Variants in CDH12 observed in about 807,000 individuals in gnomAD.
CDH12 encodes cadherin 12, also known as cadherin-12.
CDH12 carries 41 observed loss-of-function variants against 74.1 expected under a neutral mutation model. That is an observed-to-expected ratio of 0.55 (90% confidence interval 0.43 to 0.72). The LOEUF is 0.72. Among genes scored for constraint, CDH12 ranks in the 30% least tolerant of loss-of-function variants. The probability of loss-of-function intolerance (pLI) is 0.00; values close to 1 mark genes in which losing one functional copy is unlikely to be tolerated. For missense variants in CDH12, 945 were observed against 977.2 expected, an observed-to-expected ratio of 0.97 and a Z score of 0.44; for synonymous variants, 399 against 355.0, an observed-to-expected ratio of 1.12 and a Z score of -1.39.
intron 1 of CDH12, among the ~76,000 whole-genome samples, chr5:22,574,595 C>T (rs926909311): frequency 2.0e-5 from 3 of 152,044 alleles, no homozygotes; most frequent in Admixed American, 2.0e-4. Flanking sequence ...TAAACTGTAT[C>T]TTTCTCAAAT....
intron 6 of CDH12, among the ~76,000 whole-genome samples, chr5:21,929,565 T>G (rs1754743388): frequency 6.6e-6 from 1 of 152,188 alleles, no homozygotes; most frequent in African/African-American, 2.4e-5. Flanking sequence ...TCACCCTGGT[T>G]GGAATCAGTG....
At chr5:22,344,132 C>CCT (rs1373623315) in intron 3 of CDH12, among the ~76,000 whole-genome samples, 2 of 152,126 alleles carry the variant, frequency 1.3e-5, no homozygotes, top group Non-Finnish European at 2.9e-5. Flanking sequence ...TAGAGGAAGC[C>CCT]ATCCAATATT....
intron 5 of CDH12, among the ~76,000 whole-genome samples, chr5:22,053,073 T>C: frequency 7.5e-6 from 1 of 132,648 alleles, no homozygotes; most frequent in South Asian, 2.2e-4. Flanking sequence ...GTTTTTTTTG[T>C]TTTTTTTTTT....
intron 1 of CDH12, among the ~76,000 whole-genome samples, chr5:22,520,757 A>G (rs1019165158): frequency 6.6e-6 from 1 of 152,162 alleles, no homozygotes; most frequent in Non-Finnish European, 1.5e-5. Flanking sequence ...TAGAAATTCA[A>G]TATAGTTATT....
At position 21,751,834 on chromosome 5, in the gene CDH12, T is replaced by C. The variant is rs1169834123; in HGVS notation, c.2288A>G (p.Gln763Arg). 3 of 1,614,174 alleles carry C rather than the reference T, an allele frequency of 1.9e-6. No homozygotes were observed. Among genetic ancestry groups the C allele is most frequent in the South Asian group, 1.1e-5 (1 of 91,086 alleles). The change falls in exon 15 of 15, where the codon CAG (glutamine) becomes CGG (arginine). Residue 763 changes from glutamine (Q) to arginine (R), a missense_variant. This residue lies in a region of CDH12 where 791 missense variants were observed against 792.8 expected (regional missense o/e 1.00). Transcript: ENST00000382254. ...SIDSLTTEAD[Q>R]DYDYLTDWGP... ...CCAGTCTGTCAGATAGTCATAGTCC[T>C]GGTCGGCTTCTGTGGTGAGAGAGTC... is the stretch of plus-strand genomic sequence containing the variant.
rs192190174 is a variant in CDH12 at position 22,193,619 on chromosome 5, T to C, written c.-187+18879A>G. On this transcript the variant is annotated intron_variant, in intron 4 of 14. Coordinates refer to ENST00000382254, the MANE Select transcript of CDH12 (RefSeq NM_004061.5). ...TATAGTTCATTTTTTATTCTGGCTG[T>C]TGTCTTCTTTGAAACTTTTTTCTTT... Among the ~76,000 whole-genome samples the C allele has an allele frequency of 1.8e-3, 270 of 152,212 alleles. 3 individuals carry two copies. Among genetic ancestry groups the C allele is most frequent in the African/African-American group, 6.3e-3 (263 of 41,536 alleles).
At chr5:22,108,870 C>G (rs1461290108) in intron 4 of CDH12, among the ~76,000 whole-genome samples, 1 of 152,018 alleles carries the variant, frequency 6.6e-6, no homozygotes, top group Non-Finnish European at 1.5e-5. Context: ...TTTTCAGCAA[C>G]CCCCATTAGA....
chr5:22,370,106 A>G (rs1741214217), intron 3 of CDH12, among the ~76,000 whole-genome samples: 2 of 152,152 alleles, frequency 1.3e-5, no homozygotes, highest in Admixed American at 6.5e-5. Context: ...TCAATATTTT[A>G]TCTTTGGTCA....
At chr5:22,475,708 C>G (rs1174198857) in intron 2 of CDH12, among the ~76,000 whole-genome samples, 1 of 151,776 alleles carries the variant, frequency 6.6e-6, no homozygotes, top group Non-Finnish European at 1.5e-5. Context: ...TTTTTTCTTC[C>G]AAAACTAAGA....
intron 6 of CDH12, among the ~76,000 whole-genome samples, chr5:21,880,501 T>TCCTTCCTTCCTC (rs1468584598): frequency 0.018 from 454 of 25,462 alleles, 27 homozygotes; most frequent in South Asian, 0.033. Context: ...CTTCCTTCCT[T>TCCTTCCTTCCTC]CCTCCCTCCC....
chr5:22,717,421 C>A (rs954192516), intron 1 of CDH12, among the ~76,000 whole-genome samples: 3 of 152,082 alleles, frequency 2.0e-5, no homozygotes, highest in African/African-American at 7.2e-5. Flanking sequence ...TAGGCTGTAC[C>A]ACTTAGGTTT....
chr5:22,752,065 G>A (rs1745607568), intron 1 of CDH12, among the ~76,000 whole-genome samples: 1 of 152,034 alleles, frequency 6.6e-6, no homozygotes, highest in East Asian at 1.9e-4. Context: ...GAGAAAAGTA[G>A]CAAATCTCAT....
chr5:21,837,452 G>C (rs1279574049), intron 8 of CDH12, among the ~76,000 whole-genome samples: 1 of 144,294 alleles, frequency 6.9e-6, no homozygotes, highest in Non-Finnish European at 1.5e-5. Flanking sequence ...ATCTCATAAA[G>C]TTCATCTGGA....
At chr5:22,195,628 CA>C (rs1260266410) in intron 4 of CDH12, among the ~76,000 whole-genome samples, 1 of 152,136 alleles carries the variant, frequency 6.6e-6, no homozygotes, top group African/African-American at 2.4e-5. Flanking sequence ...ATTTAATTCT[CA>C]ATACAATGAA....
chr5:22,314,196 AC>A (rs1286576833), intron 3 of CDH12, among the ~76,000 whole-genome samples: 1 of 152,024 alleles, frequency 6.6e-6, no homozygotes, highest in Non-Finnish European at 1.5e-5. Flanking sequence ...AAGCTAAGGA[AC>A]CCGGATGTAA....
intron 3 of CDH12, among the ~76,000 whole-genome samples, chr5:22,362,142 C>G (rs1268470636): frequency 6.6e-6 from 1 of 152,118 alleles, no homozygotes; most frequent in Non-Finnish European, 1.5e-5. Context: ...AGTGAATAGA[C>G]AACCTACAGA....
chr5:22,040,445 A>G (rs898326431), intron 5 of CDH12, among the ~76,000 whole-genome samples: 2 of 152,172 alleles, frequency 1.3e-5, no homozygotes, highest in Admixed American at 1.3e-4. Context: ...ACATCCAGAT[A>G]TGTGAAGCTT....
intron 3 of CDH12, among the ~76,000 whole-genome samples, chr5:22,232,046 C>G (rs1752404807): frequency 6.6e-6 from 1 of 151,656 alleles, no homozygotes; most frequent in Admixed American, 6.6e-5. Flanking sequence ...TAAATATAAT[C>G]TATAAGCATT....
At chr5:22,361,521 T>C (rs1482511015) in intron 3 of CDH12, among the ~76,000 whole-genome samples, 1 of 152,108 alleles carries the variant, frequency 6.6e-6, no homozygotes, top group Non-Finnish European at 1.5e-5. Context: ...AATTTATAGA[T>C]TCAATGCCAT....
Sources: gnomAD v4.1 joint callset for allele counts (sites outside exome capture counted in the v4.1 genomes callset) on GRCh38, gnomAD v4.1.1 for gene constraint, gnomAD v4.1.1 regional missense constraint, MANE v1.5 for transcripts, NCBI Gene and HGNC (gene_info 2026-07-23, HGNC 2026-07-21) for gene names.